The following CPNE3 variants were observed in gnomAD, a reference collection of about 807,000 sequenced individuals.
The protein encoded by CPNE3 is copine-3.
Under a neutral mutation model 63.9 loss-of-function variants are expected in CPNE3, and 68 were observed. That is an observed-to-expected ratio of 1.06 (90% CI 0.87 to 1.30). The LOEUF (loss-of-function observed/expected upper bound fraction) is 1.30. CPNE3 is among the 50% of genes most tolerant of loss of function. The probability of loss-of-function intolerance (pLI) is 0.00; values close to 1 mark genes in which losing one functional copy is unlikely to be tolerated. For synonymous variants in CPNE3, 219 were observed against 197.5 expected (o/e 1.11, Z -0.91); for missense variants, 665 against 578.1 (o/e 1.15, Z -1.54).
In CPNE3 at chr8:86,528,521, T is replaced by A; in HGVS notation, c.-10-15T>A. The A allele has an allele frequency of 1.2e-6, 2 of 1,610,862 alleles. No individual in the cohort carries two copies. The highest frequency in any genetic ancestry group is 1.7e-6 in the Non-Finnish European group (2 of 1,179,270). Reference sequence around the variant, plus strand: ...CACTGTTTTACTTGCTTTCTCTTTTTATTGGTTTTCTCAGAACTCAAGACA... The same window carrying A: ...CACTGTTTTACTTGCTTTCTCTTTTAATTGGTTTTCTCAGAACTCAAGACA... On this transcript the variant is annotated splice_polypyrimidine_tract_variant and intron_variant, in intron 2 of 16. Transcript: ENST00000517490.
chr8:86,529,139 C>T lies in CPNE3; in HGVS notation c.312+15C>T. 1 of 1,587,310 alleles carries T rather than the reference C, an allele frequency of 6.3e-7. No homozygotes were observed. Among genetic ancestry groups the T allele is most frequent in the Non-Finnish European group, 8.6e-7 (1 of 1,162,998 alleles). ...CCCTTGGACAAGTAAGTATAAATAG[C>T]CACTGTACTCTATTTTGTCTAAATT... On this transcript the variant is annotated intron_variant, in intron 4 of 16. Transcript: ENST00000517490.
At chr8:86,533,024 T>TTATC (rs56759618) in intron 6 of CPNE3, among the ~76,000 whole-genome samples, 42,718 of 145,424 alleles carry the variant, frequency 0.29, 6,404 homozygotes, top group South Asian at 0.38. Flanking sequence ...TTTATCTATC[T>TTATC]TATCTATCTA....
At chr8:86,529,628 A>G (rs776795545) in intron 4 of CPNE3, among the ~76,000 whole-genome samples, 2 of 152,136 alleles carry the variant, frequency 1.3e-5, no homozygotes, top group Admixed American at 6.5e-5. Flanking sequence ...GGTACTTACT[A>G]TCTGGTACTT....
rs576316534 is a variant in CPNE3 at position 86,519,224 on chromosome 8, T to G, written c.-11+3725T>G. On this transcript the variant is annotated intron_variant, in intron 2 of 16. Coordinates refer to ENST00000517490, the MANE Select transcript of CPNE3 (RefSeq NM_003909.5). ...GGTAAAACCTGAAACATATGTTAAGTAAACTTTGTAGCCAGTTATGAATCA... is the reference window on the plus strand; with the variant it reads ...GGTAAAACCTGAAACATATGTTAAGGAAACTTTGTAGCCAGTTATGAATCA... Among the ~76,000 whole-genome samples the G allele has an allele frequency of 1.4e-3, 209 of 152,328 alleles. 1 individual carries two copies. The highest frequency in any genetic ancestry group is 4.7e-3 in the African/African-American group (197 of 41,574).
chr8:86,537,442 TTACTATCAA>T, intron 6 of CPNE3, 112 bp from the exon 7 acceptor site: 1 of 654,514 alleles, frequency 1.5e-6, no homozygotes, highest in Non-Finnish European at 2.8e-6. Context: ...GGATGTATAT[TTACTATCAA>T]TACTATAGAG....
intron 14 of CPNE3, among the ~76,000 whole-genome samples, chr8:86,552,734 A>G (rs1821208491): frequency 6.6e-6 from 1 of 151,794 alleles, no homozygotes; most frequent in Admixed American, 6.6e-5. Context: ...TGCCTTAGAA[A>G]TAACTTGTTA....
chr8:86,529,200 G>A (rs1586832546), intron 4 of CPNE3, 76 bp downstream of exon 4: 5 of 1,299,516 alleles, frequency 3.8e-6, no homozygotes, highest in East Asian at 2.3e-5. Flanking sequence ...TTGGTAAGCA[G>A]CATTTAATTT....
intron 2 of CPNE3, among the ~76,000 whole-genome samples, chr8:86,524,492 C>A (rs1299713286): frequency 1.3e-5 from 2 of 152,076 alleles, no homozygotes; most frequent in Non-Finnish European, 2.9e-5. Context: ...AAGTAATAAT[C>A]TGTACAGTAG....
intron 12 of CPNE3, among the ~76,000 whole-genome samples, chr8:86,548,883 A>G (rs1278769068): frequency 6.6e-6 from 1 of 152,106 alleles, no homozygotes; most frequent in African/African-American, 2.4e-5. Flanking sequence ...ATGTTAAGAA[A>G]TAAAAACTAT....
chr8:86,550,995 C>T (rs1385920607), intron 12 of CPNE3, 51 bp from the exon 13 acceptor site: 1 of 1,491,658 alleles, frequency 6.7e-7, no homozygotes, highest in Admixed American at 2.3e-5. Flanking sequence ...AAAGATAAAG[C>T]TTTTTATTTT....
intron 14 of CPNE3, among the ~76,000 whole-genome samples, chr8:86,552,254 G>T (rs1158624406): frequency 1.3e-5 from 2 of 152,182 alleles, no homozygotes; most frequent in African/African-American, 4.8e-5. Flanking sequence ...GGAAGAGCAT[G>T]AACAATTTTT....
chr8:86,556,365 C>T lies in CPNE3; in HGVS notation c.1491+27C>T, dbSNP rs72690482. On this transcript the variant is annotated intron_variant, in intron 16 of 16. Coordinates refer to ENST00000517490, the MANE Select transcript of CPNE3 (RefSeq NM_003909.5). ...TGAGTACCACTCCTCCCTACTCAAA[C>T]ACTAAAGTGACTGAACACAGACCTT... 6,283 of 871,794 alleles carry T rather than the reference C, an allele frequency of 7.2e-3. 35 individuals are homozygous for T. The highest frequency in any genetic ancestry group is 9.1e-3 in the South Asian group (696 of 76,528). The allele number at this position is 871,794 out of a possible 1,614,324, so 54.0% of individuals were successfully genotyped here. A position where few individuals can be genotyped will look rare whatever the true frequency, so the allele number is the denominator to read the frequency against.
rs1431352482 is a variant in CPNE3 at position 86,528,997 on chromosome 8, C to T, written c.185C>T (p.Thr62Ile). 3 of 1,613,714 alleles carry T rather than the reference C, an allele frequency of 1.9e-6. No individual in the cohort carries two copies. Among genetic ancestry groups the T allele is most frequent in the Middle Eastern group, 3.3e-4 (2 of 6,060 alleles). Residue 62 changes from threonine to isoleucine, a missense_variant, in exon 4 of 17, where the codon ACA becomes ATA. By Grantham distance (89) the Thr-to-Ile change is moderately conservative. Transcript: ENST00000517490. ...KNCLNPQFSK[T>I]FIIDYYFEVV... ...TGCTTGAATCCCCAATTTTCCAAGACATTTATTATTGATTACTACTTTGAA... is the reference window on the plus strand; with the variant it reads ...TGCTTGAATCCCCAATTTTCCAAGATATTTATTATTGATTACTACTTTGAA...
chr8:86,548,515 C>G, intron 12 of CPNE3, 81 bp downstream of exon 12: 6 of 1,550,410 alleles, frequency 3.9e-6, no homozygotes, highest in Non-Finnish European at 4.4e-6. Flanking sequence ...GGCTAGCACT[C>G]TGATATAGGT....
chr8:86,528,737 GT>G, intron 3 of CPNE3, 60 bp downstream of exon 3: 3 of 1,531,200 alleles, frequency 2.0e-6, no homozygotes, highest in South Asian at 2.5e-5. Flanking sequence ...AATGTGAAGA[GT>G]TTTTTTAATG....
At position 86,559,591 on chromosome 8, in the gene CPNE3, G is replaced by C. The variant is rs1342207758; in HGVS notation, c.*1181G>C. ...CAACTTAGAAAAAGGAAAGAAAAAA[G>C]AAAACTTTTCCAACTGCTGCATTAA... is the stretch of plus-strand genomic sequence containing the variant. On this transcript the variant is annotated 3_prime_UTR_variant, in exon 17 of 17. Transcript: ENST00000517490. The C allele has an allele frequency of 6.6e-6, 1 of 151,238 alleles. No homozygotes were observed. The highest frequency in any genetic ancestry group is 2.4e-5 in the African/African-American group (1 of 41,232). 9.4% of individuals were successfully genotyped at this position (151,238 alleles called of 1,614,324 possible). A position where few individuals can be genotyped will look rare whatever the true frequency, so the allele number is the denominator to read the frequency against.
chr8:86,551,220 A>T lies in CPNE3; in HGVS notation c.1106A>T (p.Asn369Ile). The T allele has an allele frequency of 6.3e-7, 1 of 1,599,586 alleles. No individual in the cohort carries two copies. Residue 369 changes from asparagine to isoleucine, a missense_variant, in exon 14 of 17, where the codon AAT becomes ATT. Asn to Ile is a moderately radical substitution (Grantham distance 149). Transcript: ENST00000517490. ...TTTCCAATGAACTTCAACCCATCCA[A>T]TCCCTACTGCAATGGTAAGTTAAAA... is the stretch of plus-strand genomic sequence containing the variant. Reference protein sequence around the residue: ...HEFPMNFNPSNPYCNGIQGIV... With the variant: ...HEFPMNFNPSIPYCNGIQGIV...
chr8:86,531,481 G>A (rs1412665080), intron 5 of CPNE3, among the ~76,000 whole-genome samples: 2 of 152,208 alleles, frequency 1.3e-5, no homozygotes, highest in East Asian at 3.9e-4. Context: ...CACCTTTAGC[G>A]ATACCTGCCC....
At chr8:86,520,399 T>C (rs1307580637) in intron 2 of CPNE3, among the ~76,000 whole-genome samples, 2 of 151,738 alleles carry the variant, frequency 1.3e-5, no homozygotes, top group Non-Finnish European at 2.9e-5. Flanking sequence ...CTACTAAAAA[T>C]ACAAAAATTA....
Sources: allele counts gnomAD v4.1 joint callset (sites outside exome capture counted in the v4.1 genomes callset), GRCh38; gene constraint gnomAD v4.1.1; transcripts MANE v1.5; gene names NCBI Gene and HGNC (gene_info 2026-07-23, HGNC 2026-07-21).